The following DISP1 variants were observed in gnomAD, a reference collection of about 807,000 sequenced individuals.
DISP1 encodes the protein dispatched RND transporter family member 1.
In DISP1, 30 loss-of-function variants were observed where a neutral mutation model predicts 37.3. That is an observed-to-expected ratio of 0.80 (90% CI 0.60 to 1.09). The LOEUF (loss-of-function observed/expected upper bound fraction) is 1.09, where lower values mean the gene tolerates loss of function less well. Ranked by LOEUF, DISP1 falls within the 50% of genes least tolerant of loss-of-function variation. The probability of loss-of-function intolerance (pLI) is 0.00; values close to 1 mark genes in which losing one functional copy is unlikely to be tolerated. For missense variants in DISP1, 1,598 were observed against 1,879.5 expected, an observed-to-expected ratio of 0.85 and a Z score of 2.77; for synonymous variants, 634 against 690.2, an observed-to-expected ratio of 0.92 and a Z score of 1.28.
chr1:222,868,560 A>G (rs1211713583), intron 1 of DISP1, among the ~76,000 whole-genome samples: 1 of 152,094 alleles, frequency 6.6e-6, no homozygotes, highest in Non-Finnish European at 1.5e-5. Flanking sequence ...AATTTGTTAC[A>G]TGAAGCATCT....
chr1:222,953,474 G>A (rs1002665759), intron 3 of DISP1, among the ~76,000 whole-genome samples: 1 of 152,130 alleles, frequency 6.6e-6, no homozygotes, highest in Non-Finnish European at 1.5e-5. Context: ...GGAAAAGATG[G>A]TCACTCATTT....
intron 1 of DISP1, among the ~76,000 whole-genome samples, chr1:222,849,077 A>G (rs1668083472): frequency 6.6e-6 from 1 of 152,192 alleles, no homozygotes; most frequent in Admixed American, 6.5e-5. Context: ...TGTATACTAC[A>G]TATTAATAAA....
chr1:222,996,856 A>G (rs1679109721), intron 8 of DISP1, among the ~76,000 whole-genome samples: 1 of 152,102 alleles, frequency 6.6e-6, no homozygotes. Context: ...TCCCACACAA[A>G]TGAAGCTTAA....
chr1:222,956,115 G>A (rs1428866227), intron 3 of DISP1, among the ~76,000 whole-genome samples: 11 of 152,192 alleles, frequency 7.2e-5, no homozygotes, highest in Admixed American at 7.2e-4. Context: ...CCCTATTTGT[G>A]TGTCTGTGGT....
At chr1:222,881,712 A>G (rs1670293555) in intron 1 of DISP1, among the ~76,000 whole-genome samples, 1 of 152,196 alleles carries the variant, frequency 6.6e-6, no homozygotes, top group Admixed American at 6.5e-5. Context: ...TAGCAACATA[A>G]TATTTTCAGT....
intron 1 of DISP1, among the ~76,000 whole-genome samples, chr1:222,880,772 A>T (rs1450182544): frequency 6.6e-6 from 1 of 152,190 alleles, no homozygotes; most frequent in African/African-American, 2.4e-5. Context: ...TTAAAATAAA[A>T]TGTCTGGGCC....
intron 1 of DISP1, among the ~76,000 whole-genome samples, chr1:222,846,964 T>C (rs1219190449): frequency 6.6e-6 from 1 of 152,266 alleles, no homozygotes; most frequent in African/African-American, 2.4e-5. Context: ...GAAACTATTA[T>C]ATCTATTATA....
At chr1:222,819,975 T>C (rs1306375436) in intron 1 of DISP1, among the ~76,000 whole-genome samples, 1 of 152,224 alleles carries the variant, frequency 6.6e-6, no homozygotes. Flanking sequence ...TTTGTGCTTA[T>C]TTAGCCTGAT....
intron 3 of DISP1, among the ~76,000 whole-genome samples, chr1:222,966,455 C>A (rs1004922831): frequency 6.6e-6 from 1 of 152,136 alleles, no homozygotes; most frequent in Non-Finnish European, 1.5e-5. Flanking sequence ...TCAATTAAAT[C>A]TCATCTAGGA....
intron 1 of DISP1, chr1:222,835,319 A>G (rs1352439164): frequency 6.6e-6 from 1 of 152,204 alleles, no homozygotes; most frequent in African/African-American, 2.4e-5. Flanking sequence ...AATTTGATTC[A>G]TTCAGACTAT....
intron 3 of DISP1, among the ~76,000 whole-genome samples, chr1:222,960,189 A>G (rs1265769818): frequency 2.6e-5 from 4 of 152,216 alleles, no homozygotes; most frequent in Non-Finnish European, 5.9e-5. Flanking sequence ...TCAGTGCCAC[A>G]TGGCACTTTT....
intron 1 of DISP1, among the ~76,000 whole-genome samples, chr1:222,833,174 C>T (rs1666177518): frequency 6.6e-6 from 1 of 152,034 alleles, no homozygotes; most frequent in Non-Finnish European, 1.5e-5. Context: ...TTATAGCTTC[C>T]ACACTCTGTT....
chr1:223,002,248 C>G (rs2102793907), intron 8 of DISP1, 137 bp from the exon 9 acceptor site: 2 of 858,700 alleles, frequency 2.3e-6, no homozygotes, highest in East Asian at 4.9e-5. Context: ...AAACTGATTC[C>G]TAGTTTAAGT....
At chr1:222,967,246 G>A (rs1035429233) in intron 3 of DISP1, among the ~76,000 whole-genome samples, 1 of 152,174 alleles carries the variant, frequency 6.6e-6, no homozygotes, top group African/African-American at 2.4e-5. Flanking sequence ...GGAGGACTTT[G>A]TGACATGATC....
At chr1:222,816,719 G>T (rs537437471) in intron 1 of DISP1, among the ~76,000 whole-genome samples, 1 of 152,240 alleles carries the variant, frequency 6.6e-6, no homozygotes, top group African/African-American at 2.4e-5. Flanking sequence ...ATTTACAAGT[G>T]TAAAGCAAGG....
intron 1 of DISP1, among the ~76,000 whole-genome samples, chr1:222,917,625 T>G (rs1042897687): frequency 1.3e-5 from 2 of 152,138 alleles, no homozygotes; most frequent in African/African-American, 4.8e-5. Context: ...TCGAGAGAAT[T>G]TTTTGCACCA....
chr1:223,004,037 C>CA lies in DISP1; in HGVS notation c.2640_2641insA (p.Tyr881IlefsTer7). 4 of 1,614,152 alleles carry CA rather than the reference C, an allele frequency of 2.5e-6. No individual in the cohort carries two copies. Among genetic ancestry groups the CA allele is most frequent in the Non-Finnish European group, 3.4e-6 (4 of 1,180,024 alleles). Reference sequence around the variant, plus strand: ...CATGCTGCAGCCACTGGAGCTTCCCCTACAAGCAAGAGATTTTTGAACTGT... The same window carrying CA: ...CATGCTGCAGCCACTGGAGCTTCCCCATACAAGCAAGAGATTTTTGAACTGT... On this transcript the variant is annotated frameshift_variant, in exon 9 of 9. Transcript: ENST00000675850. LOFTEE classifies it low-confidence loss of function (END_TRUNC). This position sits in a 1 kb window ranked among gnomAD's most constrained non-coding sequence, Gnocchi z 4.9.
At chr1:222,848,363 C>G (rs548510550) in intron 1 of DISP1, among the ~76,000 whole-genome samples, 1 of 151,956 alleles carries the variant, frequency 6.6e-6, no homozygotes, top group African/African-American at 2.4e-5. Context: ...CTATTAGCAT[C>G]TCAATATAAA....
intron 1 of DISP1, among the ~76,000 whole-genome samples, chr1:222,865,517 A>C (rs1330252501): frequency 1.3e-5 from 2 of 152,212 alleles, no homozygotes; most frequent in Non-Finnish European, 2.9e-5. Context: ...TTCCTGTTTA[A>C]AGAAAAGCTG....
Sources: gnomAD v4.1 joint callset for allele counts (sites outside exome capture counted in the v4.1 genomes callset) on GRCh38, gnomAD v4.1.1 for gene constraint, Gnocchi (gnomAD v3.1) non-coding constraint, MANE v1.5 for transcripts, NCBI Gene and HGNC (gene_info 2026-07-23, HGNC 2026-07-21) for gene names.